APBB2: variants seen among roughly 807,000 people sequenced by gnomAD.
APBB2 encodes the protein Fe65-like 1.
A neutral mutation model predicts 82.5 loss-of-function variants in APBB2; 38 were observed. The ratio of observed to expected loss-of-function variants is 0.46; its 90% CI spans 0.36 to 0.60. The LOEUF is 0.60. Ranked by LOEUF, APBB2 falls within the 20% of genes least tolerant of loss-of-function variation. APBB2 has a pLI of 0.00. For synonymous variants in APBB2, 341 were observed against 368.2 expected (o/e 0.93, Z 0.85); for missense variants, 772 against 972.3 (o/e 0.79, Z 2.74).
At chr4:40,925,220 C>T (rs1214413571) in intron 10 of APBB2, among the ~76,000 whole-genome samples, 1 of 152,176 alleles carries the variant, frequency 6.6e-6, no homozygotes, top group Non-Finnish European at 1.5e-5. Flanking sequence ...TCCATTCCTT[C>T]TGGTAGTAGG....
At chr4:40,946,241 A>G (rs1788383599) in intron 6 of APBB2, among the ~76,000 whole-genome samples, 1 of 150,100 alleles carries the variant, frequency 6.7e-6, no homozygotes, top group East Asian at 2.0e-4. Flanking sequence ...CCAAAAAAAA[A>G]AAAAAAAAAA....
rs142573410 is a variant in APBB2 at position 40,910,576 on chromosome 4, A to G, written c.1255-17165T>C. On this transcript the variant is annotated intron_variant, in intron 10 of 17. Coordinates refer to ENST00000508593, the MANE Select transcript of APBB2 (RefSeq NM_004307.2). ...CTTGATTCCCCATTCTCTGCTCTAC[A>G]TTAGCTGTTCTATTAGCAGAAATGC... is the stretch of plus-strand genomic sequence containing the variant. Among the ~76,000 whole-genome samples the G allele has an allele frequency of 7.0e-3, 1,062 of 152,250 alleles. 16 individuals are homozygous for G. Among genetic ancestry groups the G allele is most frequent in the African/African-American group, 0.024 (1,010 of 41,548 alleles).
chr4:40,975,321 G>A (rs564654382), intron 6 of APBB2, among the ~76,000 whole-genome samples: 2 of 152,206 alleles, frequency 1.3e-5, no homozygotes, highest in Admixed American at 6.5e-5. Flanking sequence ...TGGACAACAG[G>A]GAATCTATCT....
chr4:40,958,754 C>T (rs1266049347), intron 6 of APBB2, among the ~76,000 whole-genome samples: 1 of 152,060 alleles, frequency 6.6e-6, no homozygotes, highest in African/African-American at 2.4e-5. Flanking sequence ...TACAGTTGCC[C>T]GCCACCATGC....
At chr4:40,982,425 G>C (rs1217633534) in intron 6 of APBB2, among the ~76,000 whole-genome samples, 6 of 128,160 alleles carry the variant, frequency 4.7e-5, no homozygotes, top group African/African-American at 1.4e-4. Context: ...AAGAAAGAAA[G>C]AAAGAAAGAA....
At chr4:41,022,549 G>C (rs1373281550) in intron 5 of APBB2, among the ~76,000 whole-genome samples, 4 of 152,094 alleles carry the variant, frequency 2.6e-5, no homozygotes, top group Non-Finnish European at 4.4e-5. Flanking sequence ...GCCTTCTCTT[G>C]TCCCTCTGGA....
At chr4:40,928,204 G>C (rs1246848352) in intron 10 of APBB2, among the ~76,000 whole-genome samples, 1 of 152,184 alleles carries the variant, frequency 6.6e-6, no homozygotes, top group Non-Finnish European at 1.5e-5. Context: ...AATAGAAAAA[G>C]AACTGACTGA....
intron 2 of APBB2, among the ~76,000 whole-genome samples, chr4:41,137,478 A>G (rs1184918744): frequency 6.6e-6 from 1 of 152,210 alleles, no homozygotes; most frequent in African/African-American, 2.4e-5. Context: ...AATTACCCCA[A>G]AGAGAAAACA....
intron 2 of APBB2, among the ~76,000 whole-genome samples, chr4:41,129,564 G>A (rs1400400975): frequency 6.6e-6 from 1 of 152,180 alleles, no homozygotes; most frequent in Non-Finnish European, 1.5e-5. Context: ...TCCTGCTGTT[G>A]TGCCTCACTG....
At chr4:40,860,876 T>C (rs1437565956) in intron 12 of APBB2, among the ~76,000 whole-genome samples, 1 of 152,158 alleles carries the variant, frequency 6.6e-6, no homozygotes, top group East Asian at 1.9e-4. Context: ...TACTTATGAG[T>C]TAAGGTCCAG....
chr4:41,211,643 C>T (rs927621531), intron 1 of APBB2, among the ~76,000 whole-genome samples: 3 of 152,002 alleles, frequency 2.0e-5, no homozygotes, highest in Admixed American at 1.3e-4. Flanking sequence ...CCACCACACC[C>T]GGCTAATTTT....
chr4:41,017,177 G>A (rs1008995886), intron 5 of APBB2, among the ~76,000 whole-genome samples: 6 of 152,134 alleles, frequency 3.9e-5, no homozygotes, highest in East Asian at 1.9e-4. Flanking sequence ...GATTACAGGC[G>A]TGAACCACCA....
At chr4:40,994,149 C>A (rs972832093) in intron 6 of APBB2, among the ~76,000 whole-genome samples, 1 of 151,892 alleles carries the variant, frequency 6.6e-6, no homozygotes, top group Non-Finnish European at 1.5e-5. Context: ...TAGCCGGGCA[C>A]GGTAGCGGGC....
chr4:41,145,657 A>G (rs1760511073), intron 1 of APBB2, among the ~76,000 whole-genome samples: 1 of 152,246 alleles, frequency 6.6e-6, no homozygotes, highest in South Asian at 2.1e-4. Flanking sequence ...GAAACTGCCT[A>G]TCACACCGAA....
Position 41,128,050 on chromosome 4 carries a change from G to A in APBB2, c.-261+14937C>T, listed in dbSNP as rs183571427. 2.8e-3 allele frequency among the ~76,000 whole-genome samples: 427 copies of A among 151,810 alleles called. 2 individuals are homozygous for A. Among genetic ancestry groups the A allele is most frequent in the African/African-American group, 9.9e-3 (410 of 41,334 alleles). On this transcript the variant is annotated intron_variant, in intron 2 of 17. Transcript: ENST00000508593. ...TGCCAAGATTGCACCACTGCACTCC[G>A]GCCTGGGTAACAGAGCGAGACTCCA...
intron 5 of APBB2, among the ~76,000 whole-genome samples, chr4:41,016,176 G>C (rs1287557021): frequency 6.6e-6 from 1 of 152,144 alleles, no homozygotes; most frequent in Non-Finnish European, 1.5e-5. Flanking sequence ...TTCCTAAAAG[G>C]CATGGCAAAA....
At chr4:40,876,123 G>T (rs1204307367) in intron 12 of APBB2, among the ~76,000 whole-genome samples, 1 of 152,176 alleles carries the variant, frequency 6.6e-6, no homozygotes, top group African/African-American at 2.4e-5. Context: ...CTTTGAACTG[G>T]TGTTGGTAGC....
At chr4:40,843,584 T>C (rs1756615430) in intron 12 of APBB2, among the ~76,000 whole-genome samples, 1 of 152,254 alleles carries the variant, frequency 6.6e-6, no homozygotes, top group Non-Finnish European at 1.5e-5. Flanking sequence ...TTTTACTTTA[T>C]CTCTTTGAAA....
At chr4:40,890,750 A>C in intron 11 of APBB2, 1 of 371,994 alleles carries the variant, frequency 2.7e-6, no homozygotes. Context: ...TCTTAAATTT[A>C]ATTATTTACA....
Sources: allele counts gnomAD v4.1 joint callset (sites outside exome capture counted in the v4.1 genomes callset), GRCh38; gene constraint gnomAD v4.1.1; transcripts MANE v1.5; gene names NCBI Gene and HGNC (gene_info 2026-07-23, HGNC 2026-07-21).